Variants in FARP1 observed in about 807,000 individuals in gnomAD.
FARP1 encodes FERM, ARH/RhoGEF and pleckstrin domain protein 1.
In FARP1, 52 loss-of-function variants were observed where a neutral mutation model predicts 128.8. The observed-to-expected ratio is 0.40, with a 90% CI of 0.32 to 0.51. The LOEUF is 0.51. Ranked by LOEUF, FARP1 falls within the 20% of genes least tolerant of loss-of-function variation. FARP1 has a pLI of 0.45. For missense variants in FARP1, 1,333 were observed against 1,367.9 expected, an observed-to-expected ratio of 0.97 and a Z score of 0.40; for synonymous variants, 580 against 551.8, an observed-to-expected ratio of 1.05 and a Z score of -0.72.
chr13:98,214,096 C>T (rs1880913605), intron 2 of FARP1, among the ~76,000 whole-genome samples: 1 of 152,228 alleles, frequency 6.6e-6, no homozygotes, highest in South Asian at 2.1e-4. Flanking sequence ...CCCTCAGCAG[C>T]TGGAGCCGTT....
intron 2 of FARP1, among the ~76,000 whole-genome samples, chr13:98,295,442 A>C (rs1885645223): frequency 6.6e-6 from 1 of 152,160 alleles, no homozygotes. Context: ...CTAGCCATTT[A>C]GATTTAAGGA....
At chr13:98,175,209 G>A (rs1877918687) in intron 1 of FARP1, among the ~76,000 whole-genome samples, 1 of 152,186 alleles carries the variant, frequency 6.6e-6, no homozygotes, top group Admixed American at 6.5e-5. Context: ...AGGCTCTTAT[G>A]AAAATTTACA....
At chr13:98,378,030 T>C (rs1241595625) in intron 6 of FARP1, 112 bp downstream of exon 6, 3 of 832,502 alleles carry the variant, frequency 3.6e-6, no homozygotes, top group African/African-American at 3.4e-5. Context: ...TTTTGTGTTA[T>C]TTTTGCTGTT....
chr13:98,256,948 G>GAGAT (rs1555331690), intron 2 of FARP1, among the ~76,000 whole-genome samples: 3 of 77,076 alleles, frequency 3.9e-5, no homozygotes, highest in Non-Finnish European at 8.1e-5. Context: ...TATATATGTG[G>GAGAT]ATATATATAT....
intron 16 of FARP1, among the ~76,000 whole-genome samples, chr13:98,417,466 A>AGG (rs1212228021): frequency 3.7e-5 from 5 of 133,370 alleles, no homozygotes; most frequent in African/African-American, 1.8e-4. Context: ...AAAAAAAAAA[A>AGG]AAAAAAAAAA....
intron 2 of FARP1, among the ~76,000 whole-genome samples, chr13:98,213,779 A>AC (rs1566749770): frequency 1.3e-5 from 2 of 152,112 alleles, no homozygotes; most frequent in African/African-American, 4.8e-5. Context: ...CTGGTCATAG[A>AC]CAATTCCTCT....
At chr13:98,186,060 T>C (rs1236132233) in intron 1 of FARP1, among the ~76,000 whole-genome samples, 3 of 152,168 alleles carry the variant, frequency 2.0e-5, no homozygotes, top group African/African-American at 7.2e-5. Context: ...ACTCACATTA[T>C]TGTGCCACCA....
chr13:98,342,417 G>A lies in FARP1; in HGVS notation c.172-1345G>A, dbSNP rs558571821. 2.6e-5 allele frequency among the ~76,000 whole-genome samples: 4 copies of A among 152,332 alleles called. No individual in the cohort carries two copies. In the East Asian group the frequency reaches 7.7e-4, roughly 29 times the overall value. ...ATTCCACAGTAAAAATAAACAAACT[G>A]GCTGGGTACGGTGGCTCGTACCTGT... On this transcript the variant is annotated intron_variant, in intron 2 of 26. Transcript: ENST00000319562.
rs576243295 is a variant in FARP1 at position 98,237,835 on chromosome 13, TAAAG to T, written c.171+24434_171+24437del. On this transcript the variant is annotated intron_variant, in intron 2 of 26. Coordinates refer to ENST00000319562, the MANE Select transcript of FARP1 (RefSeq NM_005766.4). ...TCTAGCATAAGGACCATTTTTTTTT[TAAAG>T]AAAGAAAGAAAAATTAGTCAAGTGG... 2.2e-4 allele frequency among the ~76,000 whole-genome samples: 33 copies of T among 152,196 alleles called. No homozygotes were observed. The South Asian group carries it at 5.4e-3, about 25-fold the overall frequency.
Position 98,343,799 on chromosome 13 carries a change from G to C in FARP1, c.209G>C (p.Cys70Ser). 6.2e-7 allele frequency: 1 copy of C among 1,614,172 alleles called. No individual in the cohort carries two copies. The highest frequency in any genetic ancestry group is 8.5e-7 in the Non-Finnish European group (1 of 1,179,996). Residue 70 changes from cysteine (C) to serine (S), a missense_variant, in exon 3 of 27, where the codon TGC (cysteine) becomes TCC (serine). Cys to Ser is a moderately radical substitution (Grantham distance 112). Coordinates refer to ENST00000319562, the MANE Select transcript of FARP1 (RefSeq NM_005766.4). The part of the protein sequence containing the change: ...APGKVLLDAV[C>S]NHLNLVEGDY... The stretch of plus-strand genomic sequence containing the variant: ...GGGAAGGTGCTGCTGGATGCAGTTT[G>C]CAACCACCTCAACCTCGTGGAAGGT...
intron 2 of FARP1, among the ~76,000 whole-genome samples, chr13:98,325,019 G>T (rs1402504952): frequency 6.6e-6 from 1 of 152,180 alleles, no homozygotes; most frequent in Non-Finnish European, 1.5e-5. Flanking sequence ...GGCCAAATTG[G>T]ATAGAGAATG....
chr13:98,438,674 TTC>T, intron 19 of FARP1, 128 bp from the exon 20 acceptor site: 1 of 702,588 alleles, frequency 1.4e-6, no homozygotes, highest in South Asian at 1.7e-5. Flanking sequence ...TCGCAGTCCG[TTC>T]TTGGGGTCTG....
chr13:98,244,895 T>G, intron 2 of FARP1: 2 of 1,420,684 alleles, frequency 1.4e-6, no homozygotes, highest in Non-Finnish European at 1.8e-6. Flanking sequence ...CATCCACTCC[T>G]AAACGGGTCT....
intron 15 of FARP1, 63 bp from the exon 16 acceptor site, chr13:98,411,838 G>A: frequency 1.3e-6 from 2 of 1,575,418 alleles, no homozygotes; most frequent in East Asian, 2.3e-5. Context: ...GACTTCTGGA[G>A]AAAACTGCAG....
At chr13:98,159,390 T>G (rs539886986) in intron 1 of FARP1, 2 of 152,166 alleles carry the variant, frequency 1.3e-5, no homozygotes, top group South Asian at 4.1e-4. Context: ...TGAGAGGAGA[T>G]GTATCTTGCA....
chr13:98,151,154 A>C (rs1875970018), intron 1 of FARP1, among the ~76,000 whole-genome samples: 2 of 152,000 alleles, frequency 1.3e-5, no homozygotes, highest in Admixed American at 1.3e-4. Context: ...GTGCATTAAG[A>C]TATTTTGAGA....
intron 2 of FARP1, among the ~76,000 whole-genome samples, chr13:98,289,249 G>T (rs562753199): frequency 2.6e-5 from 4 of 151,768 alleles, no homozygotes. Context: ...TTCCCTTAAA[G>T]AAACAATTAA....
intron 2 of FARP1, among the ~76,000 whole-genome samples, chr13:98,265,907 C>T (rs540924400): frequency 2.6e-5 from 4 of 152,102 alleles, no homozygotes; most frequent in Non-Finnish European, 4.4e-5. Flanking sequence ...TCAGATGGTA[C>T]GCTGGGACTA....
intron 2 of FARP1, among the ~76,000 whole-genome samples, chr13:98,308,823 C>A (rs1418110189): frequency 6.6e-6 from 1 of 151,856 alleles, no homozygotes; most frequent in African/African-American, 2.4e-5. Flanking sequence ...CATGCCACCA[C>A]CATGCCTGGC....
Sources: gnomAD v4.1 joint callset for allele counts (sites outside exome capture counted in the v4.1 genomes callset) on GRCh38, gnomAD v4.1.1 for gene constraint, MANE v1.5 for transcripts, NCBI Gene and HGNC (gene_info 2026-07-23, HGNC 2026-07-21) for gene names.